Variants in PLAG1 observed in about 807,000 individuals in gnomAD.
PLAG1 encodes the protein zinc finger protein PLAG1.
In PLAG1, 7 loss-of-function variants were observed where a neutral mutation model predicts 35.5. The ratio of observed to expected loss-of-function variants is 0.20; its 90% CI spans 0.11 to 0.37. The LOEUF (loss-of-function observed/expected upper bound fraction) is 0.37. Ranked by LOEUF, PLAG1 falls within the 10% of genes least tolerant of loss-of-function variation. The pLI is 1.00. For synonymous variants in PLAG1, 229 were observed against 225.4 expected (o/e 1.02, Z -0.14); for missense variants, 454 against 602.8 (o/e 0.75, Z 2.58).
At chr8:56,179,723 C>A (rs1811809133) in intron 1 of PLAG1, among the ~76,000 whole-genome samples, 1 of 152,026 alleles carries the variant, frequency 6.6e-6, no homozygotes, top group African/African-American at 2.4e-5. Flanking sequence ...TATATTTCCT[C>A]CCGAATCACA....
intron 1 of PLAG1, among the ~76,000 whole-genome samples, chr8:56,204,964 T>A (rs1235811041): frequency 6.6e-6 from 1 of 151,948 alleles, no homozygotes; most frequent in South Asian, 2.1e-4. Context: ...AAAGTTTAGA[T>A]ACTCTTTCAG....
chr8:56,193,255 A>G (rs971604712), intron 1 of PLAG1, among the ~76,000 whole-genome samples: 10 of 152,222 alleles, frequency 6.6e-5, no homozygotes, highest in Non-Finnish European at 1.3e-4. Context: ...GACGAAGGAA[A>G]CAAGACTGGC....
At chr8:56,193,563 T>C (rs1454701418) in intron 1 of PLAG1, among the ~76,000 whole-genome samples, 2 of 152,180 alleles carry the variant, frequency 1.3e-5, no homozygotes, top group African/African-American at 2.4e-5. Context: ...TTGACCCTGC[T>C]ACAAAGGCCA....
intron 1 of PLAG1, among the ~76,000 whole-genome samples, chr8:56,185,136 T>C (rs116200406): frequency 0.014 from 2,115 of 152,186 alleles, 44 homozygotes; most frequent in African/African-American, 0.047. Flanking sequence ...ATTCCATCTA[T>C]ACAAATGTCT....
At chr8:56,191,877 T>A (rs187661522) in intron 1 of PLAG1, among the ~76,000 whole-genome samples, 9 of 151,392 alleles carry the variant, frequency 5.9e-5, no homozygotes, top group African/African-American at 2.2e-4. Flanking sequence ...ACTACAAATC[T>A]ACACATATCA....
chr8:56,180,910 T>G (rs764141058), intron 1 of PLAG1, among the ~76,000 whole-genome samples: 1 of 152,136 alleles, frequency 6.6e-6, no homozygotes, highest in Non-Finnish European at 1.5e-5. Context: ...GAACAGACAC[T>G]TCTCAAAAGA....
chr8:56,164,490 A>G lies in PLAG1; in HGVS notation c.*1753T>C, dbSNP rs1811296266. ...TTGGTAAACATTGCAATCTGCAGTG[A>G]TAACTGGCCCTACAAAAAGGAAAGA... On this transcript the variant is annotated 3_prime_UTR_variant, in exon 5 of 5. Coordinates refer to ENST00000316981, the MANE Select transcript of PLAG1 (RefSeq NM_002655.3). 1 of 223,776 alleles carries G rather than the reference A, an allele frequency of 4.5e-6. No homozygotes were observed. Among genetic ancestry groups the G allele is most frequent in the African/African-American group, 2.2e-5 (1 of 44,782 alleles). 13.9% of individuals were successfully genotyped at this position (223,776 alleles called of 1,614,324 possible).
chr8:56,183,652 T>C (rs184178601), intron 1 of PLAG1, among the ~76,000 whole-genome samples: 6 of 152,328 alleles, frequency 3.9e-5, no homozygotes, highest in Admixed American at 3.9e-4. Context: ...TTCTACATTA[T>C]ACAAATGTCT....
chr8:56,193,305 G>C (rs529590671), intron 1 of PLAG1, among the ~76,000 whole-genome samples: 66 of 152,250 alleles, frequency 4.3e-4, no homozygotes, highest in Non-Finnish European at 9.0e-4. Flanking sequence ...ATGGGTGTGA[G>C]GATTCATTCT....
chr8:56,177,994 C>G (rs1254395208), intron 2 of PLAG1: 1 of 977,094 alleles, frequency 1.0e-6, no homozygotes, highest in African/African-American at 1.8e-5. Context: ...GGATACAAAC[C>G]TGGGTAGCAC....
chr8:56,168,701 T>C (rs1367533481), intron 3 of PLAG1, among the ~76,000 whole-genome samples: 2 of 152,224 alleles, frequency 1.3e-5, no homozygotes, highest in African/African-American at 4.8e-5. Flanking sequence ...AAAAGTGGCA[T>C]TATTAAGCTT....
intron 1 of PLAG1, among the ~76,000 whole-genome samples, chr8:56,182,932 C>A (rs1328528922): frequency 6.6e-6 from 1 of 152,122 alleles, no homozygotes; most frequent in East Asian, 1.9e-4. Context: ...GAGGTATGTT[C>A]ATCCTGCTAA....
intron 1 of PLAG1, among the ~76,000 whole-genome samples, chr8:56,187,836 G>A (rs1297184016): frequency 6.6e-6 from 1 of 152,078 alleles, no homozygotes; most frequent in African/African-American, 2.4e-5. Context: ...TAGGCAGGGT[G>A]TACCTTAAAT....
chr8:56,188,566 G>A (rs927547771), intron 1 of PLAG1, among the ~76,000 whole-genome samples: 1 of 152,104 alleles, frequency 6.6e-6, no homozygotes. Context: ...TTGTCTATAG[G>A]CACCTATCAC....
intron 3 of PLAG1, 57 bp from the exon 4 acceptor site, chr8:56,168,443 T>G (rs1811420087): frequency 1.3e-6 from 1 of 751,258 alleles, no homozygotes; most frequent in East Asian, 3.2e-5. Context: ...TTTAAAAATT[T>G]TATTTGCTAT....
At chr8:56,173,896 C>G (rs1407358990) in intron 2 of PLAG1, among the ~76,000 whole-genome samples, 1 of 152,058 alleles carries the variant, frequency 6.6e-6, no homozygotes, top group East Asian at 1.9e-4. Flanking sequence ...AAAAAACTAA[C>G]AAGCCAAAAT....
At chr8:56,200,646 AACTGT>A (rs954819871) in intron 1 of PLAG1, among the ~76,000 whole-genome samples, 19 of 152,284 alleles carry the variant, frequency 1.2e-4, no homozygotes, top group African/African-American at 4.1e-4. Context: ...GCGGCTCCTG[AACTGT>A]ACCCTTGCAA....
chr8:56,201,611 G>T (rs920476484), intron 1 of PLAG1, among the ~76,000 whole-genome samples: 1 of 152,106 alleles, frequency 6.6e-6, no homozygotes, highest in Non-Finnish European at 1.5e-5. Context: ...CATAATTTAG[G>T]TTTATACTAC....
At chr8:56,184,315 A>G (rs576980331) in intron 1 of PLAG1, among the ~76,000 whole-genome samples, 1 of 152,242 alleles carries the variant, frequency 6.6e-6, no homozygotes, top group African/African-American at 2.4e-5. Flanking sequence ...CCAAAATTAA[A>G]AACACTGGAC....
Sources: allele counts gnomAD v4.1 joint callset (sites outside exome capture counted in the v4.1 genomes callset), GRCh38; gene constraint gnomAD v4.1.1; transcripts MANE v1.5; gene names NCBI Gene and HGNC (gene_info 2026-07-23, HGNC 2026-07-21).